Variants in WWOX observed in about 807,000 individuals in gnomAD.
The protein encoded by WWOX is WW domain containing oxidoreductase.
WWOX carries 69 observed loss-of-function variants against 46.2 expected under a neutral mutation model. The ratio of observed to expected loss-of-function variants is 1.49; its 90% CI spans 1.23 to 1.82. The LOEUF is 1.82. Ranked by LOEUF, WWOX falls within the 40% of genes most tolerant of loss-of-function variation. The pLI, the probability that WWOX is intolerant of heterozygous loss-of-function variation, is 0.00. For missense variants in WWOX, 919 were observed against 542.6 expected (o/e 1.69, Z -6.89); for synonymous variants, 359 against 202.6 (o/e 1.77, Z -6.56).
chr16:78,381,823 G>A (rs1408413966), intron 5 of WWOX, among the ~76,000 whole-genome samples: 1 of 151,914 alleles, frequency 6.6e-6, no homozygotes, highest in Non-Finnish European at 1.5e-5. Context: ...AGGAATGAGG[G>A]ATATATGGAA....
intron 8 of WWOX, among the ~76,000 whole-genome samples, chr16:78,494,034 G>A (rs556006191): frequency 1.3e-5 from 2 of 152,196 alleles, no homozygotes; most frequent in African/African-American, 2.4e-5. Flanking sequence ...TCGTGGTTCT[G>A]CAGACTGTAT....
intron 8 of WWOX, among the ~76,000 whole-genome samples, chr16:78,615,850 A>T (rs144417077): frequency 6.6e-5 from 10 of 151,182 alleles, no homozygotes; most frequent in African/African-American, 2.4e-4. Flanking sequence ...TCCCGAGTTC[A>T]CGCCATTCTC....
intron 4 of WWOX, among the ~76,000 whole-genome samples, chr16:78,118,022 G>A (rs1220587051): frequency 6.7e-6 from 1 of 150,084 alleles, no homozygotes; most frequent in Admixed American, 6.7e-5. Context: ...ATTTCCAGTG[G>A]TTCTTTCTTT....
chr16:78,106,421 G>GTTTTTTTTT (rs34551316), intron 1 of WWOX, among the ~76,000 whole-genome samples: 1 of 122,972 alleles, frequency 8.1e-6, no homozygotes, highest in African/African-American at 3.0e-5. Context: ...GTTTTTTTTT[G>GTTTTTTTTT]TTTTTTTTTT....
At chr16:78,802,780 G>C (rs1227018409) in intron 8 of WWOX, among the ~76,000 whole-genome samples, 1 of 151,636 alleles carries the variant, frequency 6.6e-6, no homozygotes, top group Non-Finnish European at 1.5e-5. Flanking sequence ...GCCAGGTGTG[G>C]TGGTGGGCGC....
chr16:78,718,757 A>G (rs1414752165), intron 8 of WWOX, among the ~76,000 whole-genome samples: 4 of 152,132 alleles, frequency 2.6e-5, no homozygotes, highest in Non-Finnish European at 5.9e-5. Flanking sequence ...TTTTAAAAGA[A>G]GTATTCATTT....
intron 8 of WWOX, among the ~76,000 whole-genome samples, chr16:78,592,717 G>C (rs1364984682): frequency 1.3e-5 from 2 of 152,196 alleles, no homozygotes; most frequent in Admixed American, 1.3e-4. Context: ...AAACATGGTG[G>C]TAAATTCTTC....
chr16:78,278,332 G>A (rs1320373346), intron 5 of WWOX, among the ~76,000 whole-genome samples: 1 of 152,146 alleles, frequency 6.6e-6, no homozygotes, highest in Non-Finnish European at 1.5e-5. Flanking sequence ...CAGTGTTCAA[G>A]GTTGTCAGCA....
In WWOX at chr16:78,543,809, G is replaced by C. The variant is rs561473194; in HGVS notation, c.1056+111057G>C. On this transcript the variant is annotated intron_variant, in intron 8 of 8. Coordinates refer to ENST00000566780, the MANE Select transcript of WWOX (RefSeq NM_016373.4). ...ATGAGAATTGAATGCCCCATAAATT[G>C]CATCTCCCGCAGGGCCTGATAGGTG... Among the ~76,000 whole-genome samples the C allele has an allele frequency of 3.2e-4, 48 of 152,222 alleles. 1 individual carries two copies. The highest frequency in any genetic ancestry group is 1.0e-3 in the South Asian group (5 of 4,814).
intron 4 of WWOX, among the ~76,000 whole-genome samples, chr16:78,147,881 A>G (rs1195206620): frequency 6.6e-6 from 1 of 151,120 alleles, no homozygotes. Context: ...GGTGGAAACT[A>G]TGTTGCCAAG....
chr16:78,992,420 T>C (rs1597247876), intron 8 of WWOX, among the ~76,000 whole-genome samples: 2 of 152,112 alleles, frequency 1.3e-5, no homozygotes, highest in South Asian at 2.1e-4. Flanking sequence ...TGAACCCAGA[T>C]TGCGCCTCTG....
chr16:78,399,871 A>C (rs61171216), intron 6 of WWOX, among the ~76,000 whole-genome samples: 201 of 152,344 alleles, frequency 1.3e-3, no homozygotes, highest in African/African-American at 4.7e-3. Flanking sequence ...ATCTTTTCCC[A>C]GTAAATTGTT....
chr16:78,983,968 C>A (rs375557121), intron 8 of WWOX, among the ~76,000 whole-genome samples: 2 of 147,232 alleles, frequency 1.4e-5, no homozygotes, highest in East Asian at 4.3e-4. Context: ...AGCTCTGCAT[C>A]CCAGGTTCAC....
intron 8 of WWOX, among the ~76,000 whole-genome samples, 160 bp downstream of exon 8, chr16:78,432,912 T>C (rs567067172): frequency 6.6e-6 from 1 of 152,188 alleles, no homozygotes; most frequent in Admixed American, 6.5e-5. Context: ...TCATCAACTT[T>C]AGGTTAAGTC....
intron 8 of WWOX, among the ~76,000 whole-genome samples, chr16:78,932,806 G>A (rs2045652818): frequency 6.6e-6 from 1 of 152,186 alleles, no homozygotes. Flanking sequence ...AGCCCCTCCT[G>A]TAGAACAAAC....
At chr16:78,844,754 C>T (rs1345698316) in intron 8 of WWOX, among the ~76,000 whole-genome samples, 1 of 152,218 alleles carries the variant, frequency 6.6e-6, no homozygotes, top group Non-Finnish European at 1.5e-5. Context: ...ACCCCAGTGC[C>T]ATCCTCCTTT....
intron 8 of WWOX, among the ~76,000 whole-genome samples, chr16:78,666,795 G>A (rs1317208907): frequency 6.6e-6 from 1 of 152,178 alleles, no homozygotes; most frequent in African/African-American, 2.4e-5. Context: ...GAAAGGAGGA[G>A]ATCTAGAAAG....
intron 8 of WWOX, among the ~76,000 whole-genome samples, chr16:78,921,067 C>G (rs1597152795): frequency 6.6e-6 from 1 of 152,192 alleles, no homozygotes; most frequent in Admixed American, 6.5e-5. Flanking sequence ...AGATTTTGTG[C>G]TTATCTCTAC....
At chr16:78,508,454 C>A (rs2085272959) in intron 8 of WWOX, among the ~76,000 whole-genome samples, 1 of 151,444 alleles carries the variant, frequency 6.6e-6, no homozygotes, top group South Asian at 2.1e-4. Context: ...ACAAAAACAA[C>A]ACAGCCATCT....
Sources: gnomAD v4.1 joint callset for allele counts (sites outside exome capture counted in the v4.1 genomes callset) on GRCh38, gnomAD v4.1.1 for gene constraint, MANE v1.5 for transcripts, NCBI Gene and HGNC (gene_info 2026-07-23, HGNC 2026-07-21) for gene names.